MICAL2: variants seen among roughly 807,000 people sequenced by gnomAD.
MICAL2 encodes microtubule associated monooxygenase, calponin and LIM domain containing 2.
A neutral mutation model predicts 127.3 loss-of-function variants in MICAL2; 77 were observed. That is an observed-to-expected ratio of 0.60 (90% CI 0.50 to 0.73). The LOEUF (loss-of-function observed/expected upper bound fraction) is 0.73. Ranked by LOEUF, MICAL2 falls within the 30% of genes least tolerant of loss-of-function variation. The pLI is 0.00. For missense variants in MICAL2, 1,351 were observed against 1,434.4 expected (o/e 0.94, Z 0.94); for synonymous variants, 570 against 551.1 (o/e 1.03, Z -0.48).
chr11:12,271,607 G>T (rs1863677161), upstream of MICAL2, among the ~76,000 whole-genome samples: 1 of 152,204 alleles, frequency 6.6e-6, no homozygotes, highest in South Asian at 2.1e-4. Context: ...GTGGATGAAG[G>T]CATATGGGCA....
At chr11:12,119,219 C>T (rs1850302906) in intron 1 of MICAL2, among the ~76,000 whole-genome samples, 1 of 152,212 alleles carries the variant, frequency 6.6e-6, no homozygotes, top group Non-Finnish European at 1.5e-5. Flanking sequence ...CTGTTTATGG[C>T]TGCTCTCTGG....
intron 29 of MICAL2, among the ~76,000 whole-genome samples, chr11:12,301,139 T>A (rs2134804239): frequency 6.6e-6 from 1 of 152,290 alleles, no homozygotes; most frequent in South Asian, 2.1e-4. Context: ...TCAGATCTCA[T>A]GAGACTTTTT....
At chr11:12,231,472 C>T (rs1054787894) in intron 15 of MICAL2, among the ~76,000 whole-genome samples, 4 of 152,348 alleles carry the variant, frequency 2.6e-5, no homozygotes, top group African/African-American at 9.6e-5. Context: ...GAGCCACCTG[C>T]ACACTTTCCG....
intron 7 of MICAL2, among the ~76,000 whole-genome samples, chr11:12,214,844 CACAA>C (rs1022003463): frequency 2.0e-5 from 3 of 152,150 alleles, no homozygotes; most frequent in Non-Finnish European, 4.4e-5. Context: ...CACACACACA[CACAA>C]CTTGCTGACC....
chr11:12,270,314 A>G (rs1005199852), intron 24 of MICAL2, among the ~76,000 whole-genome samples: 7 of 152,202 alleles, frequency 4.6e-5, no homozygotes, highest in African/African-American at 1.4e-4. Flanking sequence ...TGTATTGAAA[A>G]GGCGTATCCC....
chr11:12,285,657 A>C (rs908799896), intron 2 of MICAL2, among the ~76,000 whole-genome samples: 1 of 152,144 alleles, frequency 6.6e-6, no homozygotes, highest in Non-Finnish European at 1.5e-5. Context: ...GAAAGAGAGG[A>C]GCTGAAGGAG....
chr11:12,350,482 G>A (rs1939026600), intron 33 of MICAL2, among the ~76,000 whole-genome samples: 1 of 152,138 alleles, frequency 6.6e-6, no homozygotes, highest in Non-Finnish European at 1.5e-5. Flanking sequence ...CATTCTAGAG[G>A]GAAAAAAGTA....
intron 16 of MICAL2, 99 bp downstream of exon 16, chr11:12,236,344 C>A: frequency 9.2e-7 from 1 of 1,089,460 alleles, no homozygotes; most frequent in Non-Finnish European, 1.4e-6. Context: ...CTGTTCCTTC[C>A]CTCTCTCATG....
chr11:12,223,353 C>A, intron 11 of MICAL2, 58 bp from the exon 12 acceptor site: 15 of 1,475,138 alleles, frequency 1.0e-5, no homozygotes, highest in Non-Finnish European at 1.3e-5. Flanking sequence ...AGTTTAGGGG[C>A]CCTGAGACTA....
At chr11:12,190,772 T>C (rs1292034941) in intron 3 of MICAL2, among the ~76,000 whole-genome samples, 8 of 152,190 alleles carry the variant, frequency 5.3e-5, no homozygotes, top group African/African-American at 1.9e-4. Flanking sequence ...CAGATTTGGG[T>C]TTGAAACTTA....
chr11:12,282,889 A>C (rs943736097), intron 2 of MICAL2, among the ~76,000 whole-genome samples: 1 of 152,082 alleles, frequency 6.6e-6, no homozygotes, highest in African/African-American at 2.4e-5. Flanking sequence ...AGGGCATGAC[A>C]AAAAAACATG....
intron 3 of MICAL2, chr11:12,195,841 G>A (rs1351400598): frequency 6.6e-6 from 1 of 152,054 alleles, no homozygotes; most frequent in Non-Finnish European, 1.5e-5. Context: ...GTGAGAGGAG[G>A]GGGTGGTGGG....
intron 30 of MICAL2, among the ~76,000 whole-genome samples, chr11:12,321,909 T>C (rs1590736907): frequency 6.6e-6 from 1 of 152,064 alleles, no homozygotes; most frequent in Non-Finnish European, 1.5e-5. Flanking sequence ...AGTCCCACTA[T>C]GGAAAAGTAG....
intron 18 of MICAL2, 48 bp from the exon 19 acceptor site, chr11:12,242,166 T>A: frequency 6.7e-7 from 1 of 1,490,704 alleles, no homozygotes; most frequent in Non-Finnish European, 9.1e-7. Flanking sequence ...TGAGGGTGTA[T>A]GAAAGGGCCG....
chr11:12,275,811 C>A (rs534116370), upstream of MICAL2, among the ~76,000 whole-genome samples: 1 of 152,340 alleles, frequency 6.6e-6, no homozygotes, highest in African/African-American at 2.4e-5. Context: ...CCCTAAATGC[C>A]TGGGCATCTG....
chr11:12,309,692 A>C (rs954896984), intron 29 of MICAL2, among the ~76,000 whole-genome samples: 1 of 152,164 alleles, frequency 6.6e-6, no homozygotes, highest in Non-Finnish European at 1.5e-5. Flanking sequence ...TATACTCAGC[A>C]GTAGGCCTGC....
At chr11:12,121,136 C>T (rs1378688019) in intron 1 of MICAL2, among the ~76,000 whole-genome samples, 1 of 152,240 alleles carries the variant, frequency 6.6e-6, no homozygotes, top group East Asian at 1.9e-4. Flanking sequence ...GCAGCTTGTA[C>T]ACCCAAGTGT....
Position 12,190,264 on chromosome 11 carries a change from C to A in MICAL2, c.265-13986C>A, listed in dbSNP as rs73416240. ...CTCTGGTGGGAAAGATTTTCTTCTG[C>A]AAACACCCTGGGATTTGTCTCTTGA... On this transcript the variant is annotated intron_variant, in intron 3 of 27. Coordinates refer to ENST00000683283, the MANE Select transcript of MICAL2 (RefSeq NM_001282663.2). Among the ~76,000 whole-genome samples, 1,419 of 152,232 alleles carry A rather than the reference C, an allele frequency of 9.3e-3. 25 individuals are homozygous for A. Among genetic ancestry groups the A allele is most frequent in the African/African-American group, 0.033 (1,362 of 41,536 alleles).
intron 6 of MICAL2, among the ~76,000 whole-genome samples, chr11:12,211,827 G>A (rs868165560): frequency 3.3e-5 from 5 of 152,226 alleles, no homozygotes; most frequent in African/African-American, 1.2e-4. Flanking sequence ...CGGCTTCCCT[G>A]CAGAAACGGT....
Sources: gnomAD v4.1 joint callset for allele counts (sites outside exome capture counted in the v4.1 genomes callset) on GRCh38, gnomAD v4.1.1 for gene constraint, MANE v1.5 for transcripts, NCBI Gene and HGNC (gene_info 2026-07-23, HGNC 2026-07-21) for gene names.